The following COL5A2 variants were observed in gnomAD, a reference collection of about 807,000 sequenced individuals.
COL5A2 encodes collagen type V alpha 2 chain.
COL5A2 carries 23 observed loss-of-function variants against 208.2 expected under a neutral mutation model. The ratio of observed to expected loss-of-function variants is 0.11; its 90% CI spans 0.08 to 0.16. COL5A2 has a LOEUF of 0.16. COL5A2 is among the 10% of genes least tolerant of loss of function. The probability of loss-of-function intolerance (pLI) is 1.00; values close to 1 mark genes in which losing one functional copy is unlikely to be tolerated. For synonymous variants in COL5A2, 625 were observed against 628.5 expected, an observed-to-expected ratio of 0.99 and a Z score of 0.08; for missense variants, 1,590 against 1,956.4, an observed-to-expected ratio of 0.81 and a Z score of 3.53.
At chr2:189,400,269 C>A in the COL5A2 span, among the ~76,000 whole-genome samples, 1 of 152,156 alleles carries the variant, frequency 6.6e-6, no homozygotes, top group Non-Finnish European at 1.5e-5. Context: ...TCAAACATTG[C>A]TTCTGCGCTA....
chr2:189,397,291 A>G, the COL5A2 span, among the ~76,000 whole-genome samples: 1 of 152,224 alleles, frequency 6.6e-6, no homozygotes, highest in African/African-American at 2.4e-5. Flanking sequence ...CTAATTGTAA[A>G]TAACTGGTGC....
chr2:189,182,956 T>G (rs1380579405), upstream of COL5A2, among the ~76,000 whole-genome samples: 1 of 152,136 alleles, frequency 6.6e-6, no homozygotes, highest in Non-Finnish European at 1.5e-5. Flanking sequence ...CCTTTCTTCT[T>G]CTGCTAGTAC....
chr2:189,245,273 T>C, the COL5A2 span, among the ~76,000 whole-genome samples: 2 of 152,100 alleles, frequency 1.3e-5, no homozygotes, highest in Admixed American at 6.5e-5. Context: ...AGAACCATAA[T>C]ATAGCAGTAT....
chr2:189,330,708 A>G, the COL5A2 span, among the ~76,000 whole-genome samples: 2 of 152,192 alleles, frequency 1.3e-5, no homozygotes, highest in East Asian at 3.8e-4. Context: ...GCCCTCAAAA[A>G]CATGTGAAGC....
At chr2:189,280,673 C>A in the COL5A2 span, among the ~76,000 whole-genome samples, 4 of 152,056 alleles carry the variant, frequency 2.6e-5, no homozygotes, top group African/African-American at 7.2e-5. Flanking sequence ...AAGGTATATA[C>A]ATTTTACATT....
chr2:189,047,137 A>C (rs2153507576), intron 45 of COL5A2, among the ~76,000 whole-genome samples: 1 of 151,850 alleles, frequency 6.6e-6, no homozygotes, highest in East Asian at 1.9e-4. Context: ...AAAAAAAAAA[A>C]TACTTAAAGC....
chr2:189,322,486 A>G, the COL5A2 span, among the ~76,000 whole-genome samples: 5 of 152,218 alleles, frequency 3.3e-5, no homozygotes, highest in Admixed American at 2.0e-4. Flanking sequence ...TAAAAATGAT[A>G]AAGGGGATAT....
the COL5A2 span, among the ~76,000 whole-genome samples, chr2:189,435,760 A>T: frequency 6.6e-5 from 10 of 152,324 alleles, no homozygotes; most frequent in East Asian, 1.9e-3. Context: ...ATTGTGGAAG[A>T]CAGTGTGGCG....
At chr2:189,147,360 A>G (rs903854846) in intron 1 of COL5A2, among the ~76,000 whole-genome samples, 1 of 152,204 alleles carries the variant, frequency 6.6e-6, no homozygotes, top group Admixed American at 6.5e-5. Context: ...CAAGTTGTCA[A>G]TATGATCCCC....
At chr2:189,285,318 A>G in the COL5A2 span, among the ~76,000 whole-genome samples, 2 of 151,860 alleles carry the variant, frequency 1.3e-5, no homozygotes, top group Non-Finnish European at 2.9e-5. Context: ...TCACAACTCT[A>G]TTTTACCTGT....
the COL5A2 span, among the ~76,000 whole-genome samples, chr2:189,364,962 TCTTAA>T: frequency 1.3e-5 from 2 of 152,180 alleles, no homozygotes; most frequent in African/African-American, 2.4e-5. Flanking sequence ...GCAATCTGGG[TCTTAA>T]CTTCTCCGTA....
At chr2:189,070,346 G>A (rs2105609277) in intron 18 of COL5A2, among the ~76,000 whole-genome samples, 1 of 152,276 alleles carries the variant, frequency 6.6e-6, no homozygotes, top group Admixed American at 6.5e-5. Context: ...TCATTGAAAT[G>A]CAAAGAACTG....
intron 6 of COL5A2, among the ~76,000 whole-genome samples, chr2:189,092,944 C>T (rs76690093): frequency 0.02 from 3,008 of 152,226 alleles, 31 homozygotes; most frequent in Middle Eastern, 0.034. Flanking sequence ...CTGGTACATA[C>T]TAGACACTCA....
chr2:189,327,887 C>T, the COL5A2 span, among the ~76,000 whole-genome samples: 5 of 152,168 alleles, frequency 3.3e-5, no homozygotes, highest in Non-Finnish European at 5.9e-5. Flanking sequence ...TGAATTATCA[C>T]AGCATGAAAT....
At chr2:189,226,816 T>C (rs1293352492), upstream of COL5A2, among the ~76,000 whole-genome samples, 1 of 152,084 alleles carries the variant, frequency 6.6e-6, no homozygotes, top group Non-Finnish European at 1.5e-5. Flanking sequence ...CTGGTTTCTT[T>C]CTTGAATTTC....
the COL5A2 span, among the ~76,000 whole-genome samples, chr2:189,272,431 T>C: frequency 1.3e-5 from 2 of 152,038 alleles, no homozygotes; most frequent in Admixed American, 1.3e-4. Context: ...AAACACCACA[T>C]GTTCTTACTC....
At chr2:189,364,424 C>A in the COL5A2 span, among the ~76,000 whole-genome samples, 7 of 152,186 alleles carry the variant, frequency 4.6e-5, no homozygotes, top group Non-Finnish European at 8.8e-5. Context: ...CGGTGGCTCA[C>A]GCCTCTAATC....
chr2:189,129,116 T>C (rs1687662630), intron 1 of COL5A2, among the ~76,000 whole-genome samples: 1 of 151,864 alleles, frequency 6.6e-6, no homozygotes, highest in South Asian at 2.1e-4. Context: ...CCTGGTGAGT[T>C]TTATCACTGG....
chr2:189,078,597 T>C (rs748837817), intron 15 of COL5A2, 28 bp from the exon 16 acceptor site: 34 of 1,575,586 alleles, frequency 2.2e-5, no homozygotes, highest in African/African-American at 4.0e-5. Context: ...GAAATGTCTC[T>C]TGAAGCACCT....
Sources: allele counts gnomAD v4.1 joint callset (sites outside exome capture counted in the v4.1 genomes callset), GRCh38; gene constraint gnomAD v4.1.1; transcripts MANE v1.5; gene names NCBI Gene and HGNC (gene_info 2026-07-23, HGNC 2026-07-21).